ARHGAP20: variants seen among roughly 807,000 people sequenced by gnomAD.
ARHGAP20 encodes the protein rho GTPase-activating protein 20.
ARHGAP20 carries 34 observed loss-of-function variants against 73.7 expected under a neutral mutation model. That is an observed-to-expected ratio of 0.46 (90% CI 0.35 to 0.61). ARHGAP20 has a LOEUF of 0.61. Among genes scored for constraint, ARHGAP20 ranks in the 20% least tolerant of loss-of-function variants. ARHGAP20 has a pLI of 0.00. For synonymous variants in ARHGAP20, 523 were observed against 518.2 expected (o/e 1.01, Z -0.13); for missense variants, 1,314 against 1,420.9 (o/e 0.92, Z 1.21).
chr11:110,690,617 G>C lies in ARHGAP20; in HGVS notation c.118C>G (p.Leu40Val), dbSNP rs1211662953. ...GGAGCGCTCCTCCTCCTTTCTGCTA[G>C]TGTTTTCATTTTCTGTTGATGAAAC... ...GSCTKKKMKT[L>V]AERRRSAPSL... Residue 40 changes from leucine (L) to valine (V), a missense_variant, in exon 2 of 15, where the codon CTA (leucine) becomes GTA (valine). By Grantham distance (32) the Leu-to-Val change is conservative. Transcript: ENST00000683387. 1 of 1,613,982 alleles carries C rather than the reference G, an allele frequency of 6.2e-7. No individual in the cohort carries two copies. Among genetic ancestry groups the C allele is most frequent in the Non-Finnish European group, 8.5e-7 (1 of 1,179,956 alleles).
rs374902413 is a variant in ARHGAP20, at chr11:110,617,207, A to C, written c.504-1613T>G. On this transcript the variant is annotated intron_variant, in intron 4 of 14. Coordinates refer to ENST00000683387, the MANE Select transcript of ARHGAP20 (RefSeq NM_001384657.1). ...TTTCAACATTATGTTTAAAAGATTT[A>C]ATTATATTACTACATGTAGTTTTAG... 2.0e-5 allele frequency among the ~76,000 whole-genome samples: 3 copies of C among 151,982 alleles called. No homozygotes were observed. The East Asian group carries it at 5.8e-4, about 29-fold the overall frequency.
chr11:110,648,192 A>AATAT (rs1367387535), intron 2 of ARHGAP20, among the ~76,000 whole-genome samples: 10 of 120,274 alleles, frequency 8.3e-5, no homozygotes, highest in African/African-American at 1.4e-4. Context: ...TATATATGTA[A>AATAT]ATATATATAT....
chr11:110,679,206 A>G lies in ARHGAP20; in HGVS notation c.188+11341T>C, dbSNP rs928035846. Among the ~76,000 whole-genome samples, 56 of 152,210 alleles carry G rather than the reference A, an allele frequency of 3.7e-4. 2 individuals carry two copies. The highest frequency in any genetic ancestry group is 3.7e-3 in the Admixed American group (56 of 15,272). On this transcript the variant is annotated intron_variant, in intron 2 of 14. Transcript: ENST00000683387. ...GGCTGCTCATGACATGGCTTCCTCC[A>G]GATCAAGTGGTCAGAGAAAGAAAGT...
rs1565457536 is a variant in ARHGAP20, at chr11:110,648,225, AT to A, written c.189-17434del. On this transcript the variant is annotated intron_variant, in intron 2 of 14. Coordinates refer to ENST00000683387, the MANE Select transcript of ARHGAP20 (RefSeq NM_001384657.1). Reference sequence around the variant, plus strand: ...TATATATGTAAATATATATATGTATATATATATATATGTAAATATATATATG... The same window carrying A: ...TATATATGTAAATATATATATGTATAATATATATATGTAAATATATATATG... 1.7e-4 allele frequency among the ~76,000 whole-genome samples: 16 copies of A among 95,712 alleles called. No homozygotes were observed. In the South Asian group the frequency reaches 2.5e-3, roughly 15 times the overall value. The allele number at this position is 95,712 out of a possible 152,430, so 62.8% of individuals were successfully genotyped here. A position where few individuals can be genotyped will look rare whatever the true frequency, so the allele number is the denominator to read the frequency against.
chr11:110,648,226 T>TATATATATATGTAAATATATATATGTAA (rs1158352483), intron 2 of ARHGAP20, among the ~76,000 whole-genome samples: 222 of 79,328 alleles, frequency 2.8e-3, no homozygotes, highest in South Asian at 0.018. Flanking sequence ...TATATGTATA[T>TATATATATATGTAAATATATATATGTAA]ATATATATAT....
At chr11:110,679,299 T>C (rs1488286986) in intron 2 of ARHGAP20, among the ~76,000 whole-genome samples, 1 of 152,150 alleles carries the variant, frequency 6.6e-6, no homozygotes, top group Admixed American at 6.5e-5. Context: ...ATCACTACTT[T>C]TACCAAATCC....
chr11:110,579,289 T>C lies in ARHGAP20; in HGVS notation c.*81A>G. 2 of 1,475,674 alleles carry C rather than the reference T, an allele frequency of 1.4e-6. No individual in the cohort carries two copies. Among genetic ancestry groups the C allele is most frequent in the Non-Finnish European group, 1.8e-6 (2 of 1,112,618 alleles). 91.4% of individuals were successfully genotyped at this position (1,475,674 alleles called of 1,614,324 possible). On this transcript the variant is annotated 3_prime_UTR_variant, in exon 15 of 15. Transcript: ENST00000683387. The stretch of plus-strand genomic sequence containing the variant: ...CTTATGCTACCTCTCCCAGGTATCT[T>C]ATACAAAGGGGTCATAATAATTATT...
At chr11:110,581,877 T>C (rs1223298186) in intron 14 of ARHGAP20, among the ~76,000 whole-genome samples, 4 of 134,830 alleles carry the variant, frequency 3.0e-5, no homozygotes, top group East Asian at 4.3e-4. Flanking sequence ...AACTGTTTCA[T>C]AGCACACTAG....
chr11:110,581,967 C>G (rs1947484207), intron 14 of ARHGAP20, among the ~76,000 whole-genome samples: 1 of 151,472 alleles, frequency 6.6e-6, no homozygotes, highest in Non-Finnish European at 1.5e-5. Context: ...CCTCTACTAC[C>G]TCTGGGCTTT....
rs1947301752 is a variant in ARHGAP20 at position 110,577,116 on chromosome 11, T to G, written c.*2254A>C. Reference sequence around the variant, plus strand: ...TTCATACATATCCATTATCAGTGCCTTGAAAACCAAACAACTTTAAAAGTT... The same window carrying G: ...TTCATACATATCCATTATCAGTGCCGTGAAAACCAAACAACTTTAAAAGTT... On this transcript the variant is annotated 3_prime_UTR_variant, in exon 15 of 15. Coordinates refer to ENST00000683387, the MANE Select transcript of ARHGAP20 (RefSeq NM_001384657.1). 1 of 1,533,998 alleles carries G rather than the reference T, an allele frequency of 6.5e-7. No homozygotes were observed. Among genetic ancestry groups the G allele is most frequent in the African/African-American group, 1.4e-5 (1 of 73,116 alleles).
intron 1 of ARHGAP20, among the ~76,000 whole-genome samples, chr11:110,693,117 TAGA>T (rs1053196336): frequency 1.7e-4 from 26 of 152,040 alleles, no homozygotes; most frequent in African/African-American, 6.3e-4. Flanking sequence ...AAATCTACTG[TAGA>T]AGATCATTTG....
At chr11:110,606,004 A>G (rs1948218037) in intron 9 of ARHGAP20, among the ~76,000 whole-genome samples, 1 of 152,226 alleles carries the variant, frequency 6.6e-6, no homozygotes, top group Admixed American at 6.5e-5. Flanking sequence ...CAGTTCTCTT[A>G]TATTGAAGAT....
intron 2 of ARHGAP20, among the ~76,000 whole-genome samples, chr11:110,633,015 T>C (rs1442004498): frequency 6.6e-6 from 1 of 152,206 alleles, no homozygotes; most frequent in Non-Finnish European, 1.5e-5. Flanking sequence ...TCATATGGTG[T>C]TTACTTTCTG....
chr11:110,669,798 C>T (rs1949793453), intron 2 of ARHGAP20, among the ~76,000 whole-genome samples: 1 of 152,096 alleles, frequency 6.6e-6, no homozygotes, highest in South Asian at 2.1e-4. Context: ...CATTCCACTT[C>T]TTGGTACTTA....
chr11:110,586,438 A>T, intron 11 of ARHGAP20, 113 bp from the exon 12 acceptor site: 4 of 525,040 alleles, frequency 7.6e-6, no homozygotes, highest in Non-Finnish European at 9.9e-6. Flanking sequence ...CTCTTCTGTG[A>T]ACTACACAGA....
chr11:110,659,834 C>T (rs936701191), intron 2 of ARHGAP20, among the ~76,000 whole-genome samples: 2 of 151,008 alleles, frequency 1.3e-5, no homozygotes, highest in African/African-American at 4.9e-5. Flanking sequence ...TATTCTCACT[C>T]ATCGGTGGGA....
chr11:110,597,758 T>C (rs1228271346), intron 9 of ARHGAP20, among the ~76,000 whole-genome samples: 1 of 152,222 alleles, frequency 6.6e-6, no homozygotes, highest in Admixed American at 6.5e-5. Context: ...TTATCATAAA[T>C]ACTCTCAGCT....
chr11:110,681,547 C>T (rs1950036636), intron 2 of ARHGAP20, among the ~76,000 whole-genome samples: 1 of 152,146 alleles, frequency 6.6e-6, no homozygotes, highest in African/African-American at 2.4e-5. Flanking sequence ...TTACTACAAT[C>T]CTCAGTAAAC....
chr11:110,595,871 T>G (rs1947945330), intron 9 of ARHGAP20, among the ~76,000 whole-genome samples: 1 of 152,098 alleles, frequency 6.6e-6, no homozygotes, highest in African/African-American at 2.4e-5. Flanking sequence ...GCTGGAGGCA[T>G]CACGCTACCT....
Sources: allele counts gnomAD v4.1 joint callset (sites outside exome capture counted in the v4.1 genomes callset), GRCh38; gene constraint gnomAD v4.1.1; transcripts MANE v1.5; gene names NCBI Gene and HGNC (gene_info 2026-07-23, HGNC 2026-07-21).